Variants in EXO1 observed in about 807,000 individuals in gnomAD.
EXO1 encodes exonuclease 1.
Under a neutral mutation model 84.5 loss-of-function variants are expected in EXO1, and 69 were observed. That is an observed-to-expected ratio of 0.82 (90% CI 0.67 to 1.00). The LOEUF (loss-of-function observed/expected upper bound fraction) is 1.00, where lower values mean the gene tolerates loss of function less well. Among genes scored for constraint, EXO1 ranks in the 50% least tolerant of loss-of-function variants. The probability of loss-of-function intolerance (pLI) is 0.00; values close to 1 mark genes in which losing one functional copy is unlikely to be tolerated. For synonymous variants in EXO1, 373 were observed against 366.1 expected (o/e 1.02, Z -0.21); for missense variants, 1,045 against 1,000.7 (o/e 1.04, Z -0.60).
chr1:241,855,950 G>C (rs887432487), intron 6 of EXO1, among the ~76,000 whole-genome samples: 27 of 152,310 alleles, frequency 1.8e-4, no homozygotes, highest in Middle Eastern at 3.4e-3. Context: ...AGTTCTCGCT[G>C]GCGCCTCTCC....
At chr1:241,856,487 A>T (rs950534723) in intron 6 of EXO1, among the ~76,000 whole-genome samples, 8 of 152,066 alleles carry the variant, frequency 5.3e-5, no homozygotes, top group Non-Finnish European at 1.2e-4. Flanking sequence ...ACATTATTAG[A>T]GGAGAGTTAT....
rs775255365 is a variant in EXO1 at position 241,879,144 on chromosome 1, G to A, written c.1910G>A (p.Ser637Asn). The A allele has an allele frequency of 1.2e-6, 2 of 1,609,422 alleles. No individual in the cohort carries two copies. The highest frequency in any genetic ancestry group is 1.1e-5 in the South Asian group (1 of 91,056). Residue 637 changes from serine (S) to asparagine (N), a missense_variant, in exon 13 of 16, where the codon AGC becomes AAC. Ser to Asn is a conservative substitution (Grantham distance 46). Coordinates refer to ENST00000366548, the MANE Select transcript of EXO1 (RefSeq NM_130398.4). ...GCATTGCAGCAGTTCCGAAGAAAGA[G>A]CGATTCCCCCACCTCTTTGCCTGAG... is the stretch of plus-strand genomic sequence containing the variant. ...STALQQFRRK[S>N]DSPTSLPENN...
In EXO1 at chr1:241,885,527, ATTCT is replaced by A; in HGVS notation, c.2405+21_2405+24del. 1.9e-6 allele frequency: 3 copies of A among 1,557,562 alleles called. No individual in the cohort carries two copies. Among genetic ancestry groups the A allele is most frequent in the Non-Finnish European group, 2.7e-6 (3 of 1,128,736 alleles). ...TAAAAAGTGAGTTGCCTTGTTTCTT[ATTCT>A]GAAACAAGATAAACTGTTATTTTCT... On this transcript the variant is annotated intron_variant, in intron 15 of 15. Transcript: ENST00000366548.
intron 12 of EXO1, among the ~76,000 whole-genome samples, chr1:241,874,217 G>A (rs993594230): frequency 6.6e-6 from 1 of 152,154 alleles, no homozygotes; most frequent in African/African-American, 2.4e-5. Context: ...TGGATGAAAT[G>A]GGGAAACCCC....
At chr1:241,862,025 G>C (rs374381078) in intron 10 of EXO1, among the ~76,000 whole-genome samples, 2 of 152,028 alleles carry the variant, frequency 1.3e-5, no homozygotes, top group Non-Finnish European at 2.9e-5. Flanking sequence ...CACAACCTCC[G>C]CCTCCCAGGT....
intron 6 of EXO1, among the ~76,000 whole-genome samples, chr1:241,855,381 G>C (rs4149891): frequency 0.078 from 11,860 of 152,190 alleles, 718 homozygotes; most frequent in Admixed American, 0.19. Context: ...CAAACCCTGA[G>C]CTAGACACAG....
At position 241,853,453 on chromosome 1, in the gene EXO1, C is replaced by T. The variant is rs751977225; in HGVS notation, c.377C>T (p.Thr126Ile). ...TGTTTCACCCGGTCTATCAATATCA[C>T]ACATGCCATGGCCCACAAAGTAATT... ...RECFTRSINI[T>I]HAMAHKVIKA... The change falls in exon 6 of 16, where the codon ACA (threonine) becomes ATA (isoleucine). Residue 126 changes from threonine to isoleucine, a missense_variant. Physicochemically the swap from Thr to Ile is moderately conservative, Grantham distance 89 (BLOSUM62 -1). Coordinates refer to ENST00000366548, the MANE Select transcript of EXO1 (RefSeq NM_130398.4). 8.1e-6 allele frequency: 13 copies of T among 1,614,046 alleles called. No individual in the cohort carries two copies. Among genetic ancestry groups the T allele is most frequent in the Admixed American group, 1.7e-5 (1 of 59,996 alleles).
chr1:241,881,904 T>A lies in EXO1; in HGVS notation c.2110-12T>A. The A allele has an allele frequency of 1.5e-6, 2 of 1,339,780 alleles. No individual in the cohort carries two copies. The highest frequency in any genetic ancestry group is 2.1e-6 in the Non-Finnish European group (2 of 936,958). 83.0% of individuals were successfully genotyped at this position (1,339,780 alleles called of 1,614,324 possible). On this transcript the variant is annotated splice_polypyrimidine_tract_variant and intron_variant, in intron 13 of 15. Transcript: ENST00000366548. Reference sequence around the variant, plus strand: ...TCTAATTTTATTTTATTTTTTGATCTGGGGACTCTAGGAATCTGATTGCAA... The same window carrying A: ...TCTAATTTTATTTTATTTTTTGATCAGGGGACTCTAGGAATCTGATTGCAA...
intron 12 of EXO1, 44 bp from the exon 13 acceptor site, chr1:241,878,705 A>G (rs1662550134): frequency 1.6e-6 from 2 of 1,265,772 alleles, no homozygotes; most frequent in Non-Finnish European, 2.3e-6. Flanking sequence ...GAAAACTCTA[A>G]AATACTCATA....
intron 12 of EXO1, among the ~76,000 whole-genome samples, chr1:241,873,921 A>C (rs1330672933): frequency 6.6e-6 from 1 of 152,098 alleles, no homozygotes. Context: ...GAAAGGTGTA[A>C]AGATGGGGGG....
intron 13 of EXO1, among the ~76,000 whole-genome samples, chr1:241,880,932 T>C (rs953673534): frequency 1.3e-5 from 2 of 152,242 alleles, no homozygotes; most frequent in African/African-American, 4.8e-5. Flanking sequence ...GAGTCACCAA[T>C]ACTGTTAGCT....
chr1:241,877,716 T>C (rs1159750801), intron 12 of EXO1, among the ~76,000 whole-genome samples: 1 of 152,146 alleles, frequency 6.6e-6, no homozygotes, highest in Non-Finnish European at 1.5e-5. Flanking sequence ...TTCATTTTCA[T>C]TGGAATTTTT....
rs766476769 is a variant in EXO1, at chr1:241,872,214, G to A, written c.1450G>A (p.Ala484Thr). Reference sequence around the variant, plus strand: ...TCCACCTAGGACGAGAAATAAATTTGCAACATTTTTACAAAGGAAAAATGA... The same window carrying A: ...TCCACCTAGGACGAGAAATAAATTTACAACATTTTTACAAAGGAAAAATGA... ...STPPRTRNKF[A>T]TFLQRKNEES... is the part of the protein sequence containing the mutation. Residue 484 changes from alanine to threonine, a missense_variant, in exon 12 of 16, where the codon GCA (alanine) becomes ACA (threonine). Transcript: ENST00000366548. 3.1e-6 allele frequency: 5 copies of A among 1,613,984 alleles called. No homozygotes were observed. Among genetic ancestry groups the A allele is most frequent in the Non-Finnish European group, 4.2e-6 (5 of 1,179,928 alleles).
At position 241,852,283 on chromosome 1, in the gene EXO1, T is replaced by C. The variant is rs768776195; in HGVS notation, c.162-9T>C. ...GTGAAGCACTGAATGTTTTTCTTTT[T>C]TTCCATAGGTATGTAGGATTTTGTA... On this transcript the variant is annotated splice_polypyrimidine_tract_variant and intron_variant, in intron 4 of 15. Transcript: ENST00000366548. 142 of 1,600,934 alleles carry C rather than the reference T, an allele frequency of 8.9e-5. No individual in the cohort carries two copies. The highest frequency in any genetic ancestry group is 1.2e-4 in the Non-Finnish European group (139 of 1,170,282).
At chr1:241,869,469 T>G (rs1217453354) in intron 11 of EXO1, among the ~76,000 whole-genome samples, 1 of 152,190 alleles carries the variant, frequency 6.6e-6, no homozygotes, top group East Asian at 1.9e-4. Flanking sequence ...CCCTCAGACA[T>G]CTACATCGGT....
chr1:241,876,133 A>G (rs1357400421), intron 12 of EXO1, among the ~76,000 whole-genome samples: 1 of 152,186 alleles, frequency 6.6e-6, no homozygotes, highest in African/African-American at 2.4e-5. Flanking sequence ...TGCTTTATGT[A>G]GTTTAGATGT....
At chr1:241,880,836 G>A (rs1662710735) in intron 13 of EXO1, among the ~76,000 whole-genome samples, 1 of 152,104 alleles carries the variant, frequency 6.6e-6, no homozygotes, top group African/African-American at 2.4e-5. Flanking sequence ...AACAACCATA[G>A]ATTCTGTGTT....
chr1:241,888,807 G>C (rs937539080), intron 15 of EXO1, among the ~76,000 whole-genome samples: 2 of 152,162 alleles, frequency 1.3e-5, no homozygotes, highest in African/African-American at 4.8e-5. Flanking sequence ...AGGCACAGTG[G>C]CTCACGCCTG....
intron 15 of EXO1, among the ~76,000 whole-genome samples, chr1:241,885,745 C>T (rs1388697304): frequency 6.6e-6 from 1 of 152,086 alleles, no homozygotes; most frequent in East Asian, 1.9e-4. Context: ...TGGAGTCTCT[C>T]TGATGTGAAG....
Sources: gnomAD v4.1 joint callset for allele counts (sites outside exome capture counted in the v4.1 genomes callset) on GRCh38, gnomAD v4.1.1 for gene constraint, MANE v1.5 for transcripts, NCBI Gene and HGNC (gene_info 2026-07-23, HGNC 2026-07-21) for gene names.